ARHGEF4: variants seen among roughly 807,000 people sequenced by gnomAD.
ARHGEF4 encodes APC-stimulated guanine nucleotide exchange factor 1.
Under a neutral mutation model 162.0 loss-of-function variants are expected in ARHGEF4, and 119 were observed. The ratio of observed to expected loss-of-function variants is 0.73; its 90% CI spans 0.63 to 0.86. The LOEUF is 0.86. Among genes scored for constraint, ARHGEF4 ranks in the 40% least tolerant of loss-of-function variants. The pLI is 0.00. For synonymous variants in ARHGEF4, 1,014 were observed against 979.9 expected (o/e 1.03, Z -0.65); for missense variants, 2,488 against 2,456.0 (o/e 1.01, Z -0.28).
intron 4 of ARHGEF4, among the ~76,000 whole-genome samples, chr2:130,960,223 T>TTATA (rs137902543): frequency 0.013 from 1,975 of 152,310 alleles, 37 homozygotes; most frequent in African/African-American, 0.044. Flanking sequence ...TATGTAGACT[T>TTATA]TATAAACATT....
chr2:131,039,486 TCAAGGAAGGAATCCAG>T, intron 6 of ARHGEF4: 1 of 1,023,606 alleles, frequency 9.8e-7, no homozygotes, highest in African/African-American at 1.7e-5. Flanking sequence ...TCTCCAGTCT[TCAAGGAAGGAATCCAG>T]GTGCAGTCTC....
At chr2:130,840,221 C>T (rs184511169) in intron 1 of ARHGEF4, among the ~76,000 whole-genome samples, 1 of 142,054 alleles carries the variant, frequency 7.0e-6, no homozygotes, top group South Asian at 2.1e-4. Context: ...CACACAGGTG[C>T]ACACACACAC....
intron 4 of ARHGEF4, among the ~76,000 whole-genome samples, chr2:130,990,737 T>C (rs142015608): frequency 6.6e-6 from 1 of 152,092 alleles, no homozygotes; most frequent in African/African-American, 2.4e-5. Context: ...TTGGGACCCA[T>C]GCAAGGCTTA....
At chr2:130,878,151 T>A (rs564719448) in intron 1 of ARHGEF4, among the ~76,000 whole-genome samples, 1 of 152,206 alleles carries the variant, frequency 6.6e-6, no homozygotes, top group Non-Finnish European at 1.5e-5. Context: ...ATAAATACTT[T>A]AGGGTTTGTA....
At chr2:130,886,757 A>G (rs1220452456) in intron 1 of ARHGEF4, among the ~76,000 whole-genome samples, 1 of 151,880 alleles carries the variant, frequency 6.6e-6, no homozygotes. Context: ...CCTTTGGGGA[A>G]AAAAAATTAG....
At chr2:130,881,293 C>T (rs969360596) in intron 1 of ARHGEF4, among the ~76,000 whole-genome samples, 7 of 152,186 alleles carry the variant, frequency 4.6e-5, no homozygotes, top group African/African-American at 1.7e-4. Context: ...GGATTACAGG[C>T]ATGAGCCACC....
At chr2:130,985,010 C>G (rs1440586891) in intron 4 of ARHGEF4, among the ~76,000 whole-genome samples, 1 of 152,096 alleles carries the variant, frequency 6.6e-6, no homozygotes, top group Non-Finnish European at 1.5e-5. Flanking sequence ...AGTCAGGGTG[C>G]TCCCCCATCA....
intron 1 of ARHGEF4, among the ~76,000 whole-genome samples, chr2:130,913,083 A>C (rs12052584): frequency 0.54 from 82,394 of 151,932 alleles, 26,662 homozygotes; most frequent in East Asian, 0.85. Flanking sequence ...TGGTTCAGGC[A>C]TCGGCTGGGG....
chr2:130,916,665 G>A lies in ARHGEF4; in HGVS notation c.2719G>A (p.Ala907Thr). ...RLKTTEKKLR[A>T]RLALAHKTFS... ...CAAAACAACGGAGAAAAAACTCAGG[G>A]CAAGGTTGGCCTTGGCTCATAAGAC... Residue 907 changes from alanine to threonine, a missense_variant, in exon 2 of 14, where the codon GCA (alanine) becomes ACA (threonine). By Grantham distance (58) the Ala-to-Thr change is moderately conservative. This residue lies in a region of ARHGEF4 where 1,642 missense variants were observed against 1,481.5 expected (regional missense o/e 1.11). Transcript: ENST00000409359. The A allele has an allele frequency of 1.9e-6, 3 of 1,550,620 alleles. No individual in the cohort carries two copies. Among genetic ancestry groups the A allele is most frequent in the South Asian group, 2.4e-5 (2 of 84,066 alleles).
intron 4 of ARHGEF4, among the ~76,000 whole-genome samples, chr2:130,977,516 TGTG>T: frequency 6.6e-6 from 1 of 151,966 alleles, no homozygotes; most frequent in Non-Finnish European, 1.5e-5. Flanking sequence ...GTATGTATGT[TGTG>T]CATGTGTGGT....
chr2:131,035,760 C>G, intron 5 of ARHGEF4: 1 of 985,288 alleles, frequency 1.0e-6, no homozygotes, highest in Non-Finnish European at 1.2e-6. Context: ...GCCCCCCTTG[C>G]ACGTGGGCCC....
intron 4 of ARHGEF4, among the ~76,000 whole-genome samples, chr2:131,026,785 C>T (rs957140146): frequency 1.3e-5 from 2 of 152,078 alleles, no homozygotes; most frequent in South Asian, 2.1e-4. Flanking sequence ...ATTCTTGCGC[C>T]GCTTTCAGGT....
chr2:131,044,596 G>A (rs530383426), intron 12 of ARHGEF4, 54 bp downstream of exon 12: 13 of 1,518,862 alleles, frequency 8.6e-6, no homozygotes, highest in Admixed American at 4.1e-5. Flanking sequence ...CGGCGCTCCC[G>A]CCTGCCTGGC....
At chr2:130,880,668 G>A (rs1210802004) in intron 1 of ARHGEF4, among the ~76,000 whole-genome samples, 1 of 152,150 alleles carries the variant, frequency 6.6e-6, no homozygotes, top group East Asian at 1.9e-4. Context: ...CTGATTAGTT[G>A]GGACTATAGG....
At chr2:130,995,000 G>A (rs1687286438) in intron 4 of ARHGEF4, among the ~76,000 whole-genome samples, 1 of 152,200 alleles carries the variant, frequency 6.6e-6, no homozygotes, top group Non-Finnish European at 1.5e-5. Flanking sequence ...TTAAAGATGT[G>A]CCCAGATGTG....
chr2:130,904,846 A>C (rs1204033644), intron 1 of ARHGEF4, among the ~76,000 whole-genome samples: 2 of 152,130 alleles, frequency 1.3e-5, no homozygotes, highest in Non-Finnish European at 2.9e-5. Context: ...TGTGGGGCCA[A>C]GGTGGGTGCA....
At chr2:130,926,050 C>CTTTCTTT (rs1682256905) in intron 2 of ARHGEF4, among the ~76,000 whole-genome samples, 2 of 65,858 alleles carry the variant, frequency 3.0e-5, no homozygotes, top group Admixed American at 3.0e-4. Flanking sequence ...CTTTCTTTCT[C>CTTTCTTT]TTTCTTTCTT....
At chr2:131,037,107 C>T (rs1690352113) in intron 5 of ARHGEF4, among the ~76,000 whole-genome samples, 1 of 152,194 alleles carries the variant, frequency 6.6e-6, no homozygotes, top group Non-Finnish European at 1.5e-5. Flanking sequence ...GGGCTCTGTG[C>T]CTGGGACCCC....
chr2:130,881,125 C>T (rs1679161931), intron 1 of ARHGEF4, among the ~76,000 whole-genome samples: 1 of 152,070 alleles, frequency 6.6e-6, no homozygotes, highest in African/African-American at 2.4e-5. Flanking sequence ...CTCTGCCTCC[C>T]GAGTTCAAAT....
Sources: gnomAD v4.1 joint callset for allele counts (sites outside exome capture counted in the v4.1 genomes callset) on GRCh38, gnomAD v4.1.1 for gene constraint, gnomAD v4.1.1 regional missense constraint, MANE v1.5 for transcripts, NCBI Gene and HGNC (gene_info 2026-07-23, HGNC 2026-07-21) for gene names.